ZNF804B: variants seen among roughly 807,000 people sequenced by gnomAD.
ZNF804B encodes the protein zinc finger protein 804B.
A neutral mutation model predicts 101.4 loss-of-function variants in ZNF804B; 80 were observed. The ratio of observed to expected loss-of-function variants is 0.79; its 90% CI spans 0.66 to 0.95. ZNF804B has a LOEUF of 0.95. Ranked by LOEUF, ZNF804B falls within the 40% of genes least tolerant of loss-of-function variation. ZNF804B has a pLI of 0.00. For missense variants in ZNF804B, 1,673 were observed against 1,561.9 expected, an observed-to-expected ratio of 1.07 and a Z score of -1.20; for synonymous variants, 622 against 558.8, an observed-to-expected ratio of 1.11 and a Z score of -1.59.
intron 1 of ZNF804B, among the ~76,000 whole-genome samples, chr7:89,175,192 C>T (rs993830618): frequency 1.6e-4 from 24 of 151,846 alleles, no homozygotes; most frequent in African/African-American, 5.6e-4. Flanking sequence ...GTTTTCTTTT[C>T]ATATTTTTAT....
At chr7:89,101,197 A>T (rs1373388326) in intron 1 of ZNF804B, among the ~76,000 whole-genome samples, 1 of 152,060 alleles carries the variant, frequency 6.6e-6, no homozygotes, top group Non-Finnish European at 1.5e-5. Flanking sequence ...AAACTCCATA[A>T]TCTGTATTCA....
intron 1 of ZNF804B, among the ~76,000 whole-genome samples, chr7:88,981,458 T>C (rs1392113936): frequency 5.3e-5 from 8 of 152,038 alleles, no homozygotes; most frequent in African/African-American, 1.9e-4. Flanking sequence ...CTACACTGCC[T>C]GGGGTTGAGG....
intron 1 of ZNF804B, among the ~76,000 whole-genome samples, chr7:89,099,233 G>A (rs1790016209): frequency 6.6e-6 from 1 of 151,820 alleles, no homozygotes; most frequent in Non-Finnish European, 1.5e-5. Flanking sequence ...AAAACCTGTG[G>A]AACTTCCAAC....
chr7:89,279,031 C>A (rs1472286453), intron 2 of ZNF804B, among the ~76,000 whole-genome samples: 3 of 152,112 alleles, frequency 2.0e-5, no homozygotes, highest in Admixed American at 1.3e-4. Flanking sequence ...TTTCATTGAG[C>A]AGTGGTTTGT....
chr7:88,958,042 T>C (rs17165780), intron 1 of ZNF804B, among the ~76,000 whole-genome samples: 14,846 of 151,234 alleles, frequency 0.098, 988 homozygotes, highest in East Asian at 0.2. Context: ...CTCACAGCAG[T>C]GAATCTGACA....
intron 2 of ZNF804B, among the ~76,000 whole-genome samples, chr7:89,261,118 A>C (rs1387291322): frequency 2.6e-5 from 4 of 152,132 alleles, no homozygotes; most frequent in Admixed American, 2.0e-4. Flanking sequence ...TGACTATAAA[A>C]TTATTACAGC....
chr7:88,956,528 T>G (rs949146200), intron 1 of ZNF804B, among the ~76,000 whole-genome samples: 13 of 151,388 alleles, frequency 8.6e-5, no homozygotes, highest in African/African-American at 2.9e-4. Context: ...AAATTTTAGT[T>G]TTATATTTAA....
chr7:88,957,690 T>G (rs887887133), intron 1 of ZNF804B, among the ~76,000 whole-genome samples: 25 of 151,286 alleles, frequency 1.7e-4, no homozygotes, highest in African/African-American at 6.1e-4. Flanking sequence ...AAAAAAAGTA[T>G]TATTTTGAAC....
Position 88,958,320 on chromosome 7 carries a change from T to C in ZNF804B, c.108+198236T>C, listed in dbSNP as rs890812716. Among the ~76,000 whole-genome samples the C allele has an allele frequency of 5.9e-5, 9 of 151,632 alleles. No individual in the cohort carries two copies. The East Asian group carries it at 1.4e-3, about 23-fold the overall frequency. ...AGTTCATTACCTTGAAAATTATTCATAAAAATGGAGGCTCCTCGTGCATAT... is the reference window on the plus strand; with the variant it reads ...AGTTCATTACCTTGAAAATTATTCACAAAAATGGAGGCTCCTCGTGCATAT... On this transcript the variant is annotated intron_variant, in intron 1 of 3. Transcript: ENST00000333190.
chr7:88,785,708 C>G (rs189361013), intron 1 of ZNF804B, among the ~76,000 whole-genome samples: 1 of 152,178 alleles, frequency 6.6e-6, no homozygotes. Flanking sequence ...TTCAGTTCTC[C>G]CAACACAGTA....
chr7:89,275,492 G>T (rs1182939265), intron 2 of ZNF804B, among the ~76,000 whole-genome samples: 1 of 151,836 alleles, frequency 6.6e-6, no homozygotes, highest in Non-Finnish European at 1.5e-5. Context: ...TTTGAATCCA[G>T]TGCTGGCTAG....
chr7:89,061,549 A>G (rs924146722), intron 1 of ZNF804B, among the ~76,000 whole-genome samples: 5 of 152,078 alleles, frequency 3.3e-5, no homozygotes, highest in Non-Finnish European at 7.4e-5. Flanking sequence ...AGACCCACAC[A>G]TATTTCCTAG....
chr7:89,329,649 C>T (rs1790947749), intron 3 of ZNF804B, among the ~76,000 whole-genome samples: 1 of 151,560 alleles, frequency 6.6e-6, no homozygotes. Context: ...TCCAGCCAAC[C>T]TGTTTCCTCA....
At chr7:89,247,520 T>C (rs1285922522) in intron 2 of ZNF804B, among the ~76,000 whole-genome samples, 2 of 151,724 alleles carry the variant, frequency 1.3e-5, no homozygotes, top group African/African-American at 4.8e-5. Flanking sequence ...CCCAACATTG[T>C]CTACAATCAC....
At chr7:89,171,350 T>TTCCTCC (rs1791228224) in intron 1 of ZNF804B, among the ~76,000 whole-genome samples, 1 of 112,566 alleles carries the variant, frequency 8.9e-6, no homozygotes, top group African/African-American at 3.4e-5. Context: ...CTTCTTCTTC[T>TTCCTCC]TCTTCTTCCT....
intron 1 of ZNF804B, among the ~76,000 whole-genome samples, chr7:89,033,852 A>AT (rs1038012315): frequency 1.4e-4 from 21 of 152,046 alleles, no homozygotes; most frequent in Non-Finnish European, 2.6e-4. Flanking sequence ...TTGTATCTTC[A>AT]TTTTTTTCAG....
At chr7:88,769,817 T>G (rs953818521) in intron 1 of ZNF804B, among the ~76,000 whole-genome samples, 1 of 152,238 alleles carries the variant, frequency 6.6e-6, no homozygotes, top group Non-Finnish European at 1.5e-5. Context: ...ATCAGTCACA[T>G]ACTTTTCAGC....
chr7:89,317,744 A>G (rs890248794), intron 2 of ZNF804B, among the ~76,000 whole-genome samples: 3 of 152,224 alleles, frequency 2.0e-5, no homozygotes, highest in Non-Finnish European at 2.9e-5. Context: ...TTACTGATCC[A>G]TATGCCACAA....
intron 1 of ZNF804B, among the ~76,000 whole-genome samples, chr7:89,186,826 A>T (rs1283659176): frequency 1.3e-5 from 2 of 152,154 alleles, no homozygotes; most frequent in African/African-American, 4.8e-5. Flanking sequence ...GAGTAATATG[A>T]TATAGCAGTT....
Sources: gnomAD v4.1 joint callset for allele counts (sites outside exome capture counted in the v4.1 genomes callset) on GRCh38, gnomAD v4.1.1 for gene constraint, MANE v1.5 for transcripts, NCBI Gene and HGNC (gene_info 2026-07-23, HGNC 2026-07-21) for gene names.